CMTR1: variants seen among roughly 807,000 people sequenced by gnomAD.
CMTR1 encodes cap methyltransferase 1.
Under a neutral mutation model 107.0 loss-of-function variants are expected in CMTR1, and 39 were observed. The observed-to-expected ratio is 0.36, with a 90% CI of 0.28 to 0.48. CMTR1 has a LOEUF of 0.48. Ranked by LOEUF, CMTR1 falls within the 20% of genes least tolerant of loss-of-function variation. The pLI, the probability that CMTR1 is intolerant of heterozygous loss-of-function variation, is 0.99. For synonymous variants in CMTR1, 366 were observed against 379.5 expected (o/e 0.96, Z 0.41); for missense variants, 672 against 1,064.9 (o/e 0.63, Z 5.14).
At chr6:37,447,090 G>A (rs890466978) in intron 4 of CMTR1, among the ~76,000 whole-genome samples, 1 of 152,018 alleles carries the variant, frequency 6.6e-6, no homozygotes, top group African/African-American at 2.4e-5. Context: ...GATCTGTAGT[G>A]GGTACAATAA....
In CMTR1 at chr6:37,479,137, C is replaced by T. The variant is rs1349550917; in HGVS notation, c.2267-10C>T. 6.3e-7 allele frequency: 1 copy of T among 1,599,776 alleles called. No homozygotes were observed. Among genetic ancestry groups the T allele is most frequent in the African/African-American group, 1.3e-5 (1 of 74,582 alleles). On this transcript the variant is annotated splice_polypyrimidine_tract_variant and intron_variant, in intron 22 of 23. Coordinates refer to ENST00000373451, the MANE Select transcript of CMTR1 (RefSeq NM_015050.3). ...CCCTTCTGGGCTTCATCCCCTCTTCCTCCCATCAGAGCCCTGGACTATGGG... is the reference window on the plus strand; with the variant it reads ...CCCTTCTGGGCTTCATCCCCTCTTCTTCCCATCAGAGCCCTGGACTATGGG...
chr6:37,455,229 A>G (rs1761266540), intron 8 of CMTR1, among the ~76,000 whole-genome samples: 1 of 152,198 alleles, frequency 6.6e-6, no homozygotes, highest in African/African-American at 2.4e-5. Flanking sequence ...GATTACAGGC[A>G]TGTGCCACCA....
chr6:37,450,244 T>A lies in CMTR1; in HGVS notation c.445-7T>A. 6.2e-7 allele frequency: 1 copy of A among 1,613,358 alleles called. No individual in the cohort carries two copies. Among genetic ancestry groups the A allele is most frequent in the East Asian group, 2.2e-5 (1 of 44,870 alleles). On this transcript the variant is annotated splice_polypyrimidine_tract_variant and splice_region_variant and intron_variant, in intron 4 of 23. Transcript: ENST00000373451. ...ATCTGTCTTACTAGCCTCTCTTTTGTTTGCAGCCCAGTGCTTGTGAGCAGG... is the reference window on the plus strand; with the variant it reads ...ATCTGTCTTACTAGCCTCTCTTTTGATTGCAGCCCAGTGCTTGTGAGCAGG...
intron 4 of CMTR1, among the ~76,000 whole-genome samples, chr6:37,449,991 A>G (rs938774310): frequency 1.3e-5 from 2 of 152,254 alleles, no homozygotes; most frequent in African/African-American, 4.8e-5. Context: ...TCATTAAATA[A>G]TAATGGAACA....
chr6:37,464,416 G>C (rs1317522125), intron 13 of CMTR1, among the ~76,000 whole-genome samples: 1 of 150,876 alleles, frequency 6.6e-6, no homozygotes, highest in Non-Finnish European at 1.5e-5. Flanking sequence ...GCAGTGAGCC[G>C]AGATCGCGCC....
chr6:37,461,732 G>C, intron 11 of CMTR1, 87 bp downstream of exon 11: 2 of 999,972 alleles, frequency 2.0e-6, no homozygotes, highest in Non-Finnish European at 3.0e-6. Context: ...TGGTGGGGAA[G>C]TTAAAAAAAT....
chr6:37,481,394 C>T lies in CMTR1; in HGVS notation c.*1249C>T, dbSNP rs1761854566. The T allele has an allele frequency of 8.4e-7, 1 of 1,186,468 alleles. No individual in the cohort carries two copies. The highest frequency in any genetic ancestry group is 1.1e-6 in the Non-Finnish European group (1 of 941,552). 73.5% of individuals were successfully genotyped at this position (1,186,468 alleles called of 1,614,324 possible). Reference sequence around the variant, plus strand: ...TGGGGGTCCTTCAGCCAGCATCCAGCTCCCCACCCCCAGGCTGGCAGTAGC... The same window carrying T: ...TGGGGGTCCTTCAGCCAGCATCCAGTTCCCCACCCCCAGGCTGGCAGTAGC... On this transcript the variant is annotated 3_prime_UTR_variant, in exon 24 of 24. Coordinates refer to ENST00000373451, the MANE Select transcript of CMTR1 (RefSeq NM_015050.3).
chr6:37,459,486 C>A, intron 9 of CMTR1, 80 bp from the exon 10 acceptor site: 1 of 1,211,300 alleles, frequency 8.3e-7, no homozygotes, highest in Non-Finnish European at 1.2e-6. Flanking sequence ...TGCCCGTCTT[C>A]ACTGACCCAG....
At chr6:37,430,930 C>T (rs1166776653), upstream of CMTR1, among the ~76,000 whole-genome samples, 4 of 145,494 alleles carry the variant, frequency 2.7e-5, no homozygotes, top group South Asian at 2.2e-4. Flanking sequence ...AGGAGAATGG[C>T]GTGAACCTGG....
chr6:37,449,972 A>G lies in CMTR1; in HGVS notation c.445-279A>G, dbSNP rs12661311. Among the ~76,000 whole-genome samples the G allele has an allele frequency of 7.3e-4, 111 of 152,350 alleles. No individual in the cohort carries two copies. The South Asian group carries it at 8.3e-3, about 11-fold the overall frequency. Reference sequence around the variant, plus strand: ...TCTGCATTCTGAGTGCTTAACACATAGTAGGTATTCATTAAATAATAATGG... The same window carrying G: ...TCTGCATTCTGAGTGCTTAACACATGGTAGGTATTCATTAAATAATAATGG... On this transcript the variant is annotated intron_variant, in intron 4 of 23. Transcript: ENST00000373451.
intron 6 of CMTR1, 120 bp downstream of exon 6, chr6:37,451,997 C>A: frequency 1.4e-6 from 1 of 736,216 alleles, no homozygotes; most frequent in Non-Finnish European, 2.3e-6. Context: ...TGCTGGAGAT[C>A]AGATGCATAG....
At chr6:37,450,819 C>CTT (rs1326954394) in intron 5 of CMTR1, among the ~76,000 whole-genome samples, 1 of 152,344 alleles carries the variant, frequency 6.6e-6, no homozygotes, top group East Asian at 1.9e-4. Flanking sequence ...CCGGGGATCT[C>CTT]TAAGACCCCT....
At chr6:37,432,968 A>G (rs1256014432), upstream of CMTR1, among the ~76,000 whole-genome samples, 2 of 152,262 alleles carry the variant, frequency 1.3e-5, no homozygotes, top group Non-Finnish European at 2.9e-5. Context: ...AGATTAAGTA[A>G]GATGAGGTCG....
At chr6:37,466,450 T>G (rs1294476240) in intron 13 of CMTR1, among the ~76,000 whole-genome samples, 3 of 152,174 alleles carry the variant, frequency 2.0e-5, no homozygotes, top group African/African-American at 7.2e-5. Context: ...TACAGTTTTA[T>G]CTGTTACATT....
At chr6:37,450,987 G>A (rs867561314) in intron 5 of CMTR1, among the ~76,000 whole-genome samples, 23 of 152,072 alleles carry the variant, frequency 1.5e-4, no homozygotes, top group African/African-American at 5.6e-4. Flanking sequence ...GGAAAATCTG[G>A]CCTTCTGTTA....
intron 2 of CMTR1, among the ~76,000 whole-genome samples, chr6:37,440,164 G>A (rs1272753500): frequency 6.6e-6 from 1 of 152,228 alleles, no homozygotes; most frequent in African/African-American, 2.4e-5. Context: ...GAGCTCCCCA[G>A]GAGGTAAATG....
At position 37,446,344 on chromosome 6, in the gene CMTR1, G is replaced by A; in HGVS notation, c.339G>A (p.Arg113=). The A allele has an allele frequency of 1.2e-6, 2 of 1,614,232 alleles. No homozygotes were observed. The highest frequency in any genetic ancestry group is 1.7e-6 in the Non-Finnish European group (2 of 1,180,050). The change falls in exon 4 of 24, where the codon CGG becomes CGA. Residue 113 remains arginine, a synonymous_variant. Transcript: ENST00000373451. ...GEGLGKYSQG[R]KDIVEASSQK... is the part of the protein sequence containing the mutation. The stretch of plus-strand genomic sequence containing the variant: ...GATTGGGTAAATACAGCCAGGGTCG[G>A]AAGGACATCGTTGAGGCTTCCAGTC...
chr6:37,460,579 C>G (rs1761382988), intron 10 of CMTR1, among the ~76,000 whole-genome samples: 1 of 151,620 alleles, frequency 6.6e-6, no homozygotes, highest in African/African-American at 2.4e-5. Context: ...TTTTGAGAAG[C>G]ATCTTTAAGT....
chr6:37,451,964 T>G, intron 6 of CMTR1, 87 bp downstream of exon 6: 1 of 1,095,362 alleles, frequency 9.1e-7, no homozygotes, highest in Non-Finnish European at 1.4e-6. Context: ...GAGTGGGTTG[T>G]GGGAAGCTAA....
Sources: allele counts gnomAD v4.1 joint callset (sites outside exome capture counted in the v4.1 genomes callset), GRCh38; gene constraint gnomAD v4.1.1; transcripts MANE v1.5; gene names NCBI Gene and HGNC (gene_info 2026-07-23, HGNC 2026-07-21).